ODAD3: variants seen among roughly 807,000 people sequenced by gnomAD.
The protein encoded by ODAD3 is outer dynein arm-docking complex subunit 3.
Under a neutral mutation model 70.9 loss-of-function variants are expected in ODAD3, and 57 were observed. The observed-to-expected ratio is 0.80, with a 90% CI of 0.65 to 1.00. The LOEUF is 1.00. ODAD3 is among the 50% of genes least tolerant of loss of function. ODAD3 has a pLI of 0.00. For synonymous variants in ODAD3, 327 were observed against 315.9 expected (o/e 1.04, Z -0.37); for missense variants, 797 against 763.9 (o/e 1.04, Z -0.51).
intron 7 of ODAD3, 124 bp downstream of exon 7, chr19:11,426,020 A>C: frequency 7.8e-7 from 1 of 1,276,876 alleles, no homozygotes; most frequent in Non-Finnish European, 1.0e-6. Flanking sequence ...GTGGAGTCAG[A>C]GAGGGGGCGG....
In ODAD3 at chr19:11,426,725, C is replaced by G. The variant is rs771503882; in HGVS notation, c.672G>C (p.Glu224Asp). The G allele has an allele frequency of 5.0e-6, 8 of 1,613,910 alleles. No homozygotes were observed. Among genetic ancestry groups the G allele is most frequent in the Non-Finnish European group, 6.8e-6 (8 of 1,179,884 alleles). ...GCTGCAGGTACACGCTGGTAATGTG[C>G]TCGGCCTCCTGCGCCTTCATCTGGG... is the stretch of plus-strand genomic sequence containing the variant. ...EKAQMKAQEA[E>D]HITSVYLQLK... is the part of the protein sequence containing the mutation. Residue 224 changes from glutamate to aspartate, a missense_variant, in exon 5 of 13, where the codon GAG (glutamate) becomes GAC (aspartate). Coordinates refer to ENST00000356392, the MANE Select transcript of ODAD3 (RefSeq NM_145045.5).
At position 11,421,803 on chromosome 19, in the gene ODAD3, C is replaced by T. The variant is rs1969141508; in HGVS notation, c.1464G>A (p.Leu488=). 2.5e-6 allele frequency: 4 copies of T among 1,613,156 alleles called. No individual in the cohort carries two copies. The highest frequency in any genetic ancestry group is 3.4e-6 in the Non-Finnish European group (4 of 1,179,894). ...VEDGRFAGKE[L]DPQADNYVPN... ...GCACATAGTTATCTGCCTGGGGATCCAGCTCCTTTCCCGCGAAGCGGCCGT... is the reference window on the plus strand; with the variant it reads ...GCACATAGTTATCTGCCTGGGGATCTAGCTCCTTTCCCGCGAAGCGGCCGT... Residue 488 remains leucine (L), a synonymous_variant, in exon 11 of 13, where the codon CTG becomes CTA. Transcript: ENST00000356392.
chr19:11,426,232 C>T lies in ODAD3; in HGVS notation c.875G>A (p.Arg292Gln), dbSNP rs780995024. The T allele has an allele frequency of 1.9e-6, 3 of 1,613,932 alleles. No homozygotes were observed. Among genetic ancestry groups the T allele is most frequent in the Non-Finnish European group, 2.5e-6 (3 of 1,179,958 alleles). The change falls in exon 7 of 13, where the codon CGA (arginine) becomes CAA (glutamine). Residue 292 changes from arginine (R) to glutamine (Q), a missense_variant. Physicochemically the swap from Arg to Gln is conservative, Grantham distance 43. Transcript: ENST00000356392. Reference sequence around the variant, plus strand: ...GTAGCGTTCCCGCTTCTTGCGCTCTCGAACCAAGGTCTCCTCTAGGTACTG... The same window carrying T: ...GTAGCGTTCCCGCTTCTTGCGCTCTTGAACCAAGGTCTCCTCTAGGTACTG... ...QLQYLEETLV[R>Q]ERKKRERYIS... is the part of the protein sequence containing the mutation.
At chr19:11,424,612 T>C (rs891557451) in intron 7 of ODAD3, among the ~76,000 whole-genome samples, 17 of 132,420 alleles carry the variant, frequency 1.3e-4, no homozygotes, top group Admixed American at 3.7e-4. Context: ...TATGTGTATA[T>C]ATACCTATGT....
intron 7 of ODAD3, among the ~76,000 whole-genome samples, chr19:11,424,685 CTA>C (rs1386888578): frequency 2.7e-4 from 10 of 36,582 alleles, no homozygotes; most frequent in Admixed American, 9.9e-4. Flanking sequence ...GTATATATAC[CTA>C]TGTGTATATA....
chr19:11,421,054 A>T, intron 12 of ODAD3, 74 bp downstream of exon 12: 1 of 1,577,034 alleles, frequency 6.3e-7, no homozygotes, highest in Non-Finnish European at 8.7e-7. Context: ...GGCCCTGAAC[A>T]GGGTATCTGA....
rs2144771861 is a variant in ODAD3, at chr19:11,426,551, C to A, written c.735G>T (p.Glu245Asp). The stretch of plus-strand genomic sequence containing the variant: ...CAGCCTCCATGGAGTCCAGCCGGTT[C>A]TCCAAGTTGAGGCTCTCGTCCTGGG... The part of the protein sequence containing the change: ...AYLMDESLNL[E>D]NRLDSMEAEV... Residue 245 changes from glutamate (E) to aspartate (D), a missense_variant, in exon 6 of 13, where the codon GAG becomes GAT. Physicochemically the swap from Glu to Asp is conservative, Grantham distance 45. Coordinates refer to ENST00000356392, the MANE Select transcript of ODAD3 (RefSeq NM_145045.5). The A allele has an allele frequency of 6.2e-7, 1 of 1,614,074 alleles. No homozygotes were observed. Among genetic ancestry groups the A allele is most frequent in the African/African-American group, 1.3e-5 (1 of 75,010 alleles).
chr19:11,426,564 CTCTCG>C lies in ODAD3; in HGVS notation c.717_721del (p.Asp239GlufsTer14). 6.2e-7 allele frequency: 1 copy of C among 1,614,058 alleles called. No individual in the cohort carries two copies. Among genetic ancestry groups the C allele is most frequent in the Non-Finnish European group, 8.5e-7 (1 of 1,179,980 alleles). On this transcript the variant is annotated frameshift_variant and splice_region_variant, in exon 6 of 13. Transcript: ENST00000356392. LOFTEE classifies it high-confidence loss of function. ...GTCCAGCCGGTTCTCCAAGTTGAGGCTCTCGTCCTGGGGCGTGGTGGGGAGGGGTA... is the reference window on the plus strand; with the variant it reads ...GTCCAGCCGGTTCTCCAAGTTGAGGCTCCTGGGGCGTGGTGGGGAGGGGTA...
At chr19:11,430,603 G>T (rs1969481403) in intron 3 of ODAD3, 96 bp downstream of exon 3, 2 of 1,090,734 alleles carry the variant, frequency 1.8e-6, no homozygotes, top group Non-Finnish European at 2.8e-6. Flanking sequence ...ATGGCAGCTA[G>T]TGTGCAGGAA....
chr19:11,435,007 G>A lies in ODAD3; in HGVS notation c.10C>T (p.Pro4Ser), dbSNP rs546113125. 59 of 1,610,964 alleles carry A rather than the reference G, an allele frequency of 3.7e-5. No individual in the cohort carries two copies. The South Asian group carries it at 4.1e-4, about 11-fold the overall frequency. Residue 4 changes from proline to serine, a missense_variant, in exon 1 of 13, where the codon CCT (proline) becomes TCT (serine). Transcript: ENST00000356392. MTS[P>S]LCRAASANAL... The stretch of plus-strand genomic sequence containing the variant: ...TTGGCGGAGGCCGCCCTGCACAGAG[G>A]AGATGTCATGATGGGGTTGGGGCTG...
intron 7 of ODAD3, among the ~76,000 whole-genome samples, chr19:11,425,452 T>TATATGTATATATACAC (rs1969325419): frequency 8.6e-6 from 1 of 116,410 alleles, no homozygotes; most frequent in Non-Finnish European, 1.6e-5. Context: ...TATATATACA[T>TATATGTATATATACAC]ATATGTGTGT....
At position 11,421,825 on chromosome 19, in the gene ODAD3, C is replaced by G. The variant is rs2144753899; in HGVS notation, c.1442G>C (p.Gly481Ala). The G allele has an allele frequency of 6.2e-7, 1 of 1,612,384 alleles. No individual in the cohort carries two copies. Among genetic ancestry groups the G allele is most frequent in the Middle Eastern group, 1.7e-4 (1 of 6,036 alleles). The change falls in exon 11 of 13, where the codon GGC becomes GCC. Residue 481 changes from glycine (G) to alanine (A), a missense_variant. Transcript: ENST00000356392. ...ATCCAGCTCCTTTCCCGCGAAGCGGCCGTCCTCCTGCGGCCAGGGTAGAGC... is the reference window on the plus strand; with the variant it reads ...ATCCAGCTCCTTTCCCGCGAAGCGGGCGTCCTCCTGCGGCCAGGGTAGAGC... ...SKLIHITVED[G>A]RFAGKELDPQ...
In ODAD3 at chr19:11,422,142, C is replaced by T. The variant is rs1232781478; in HGVS notation, c.1435-310G>A. Reference sequence around the variant, plus strand: ...GCTGCGGGCAGGATAGGTCTTCTGTCTCGGGCTGCTCCAGAACTGCAGATA... The same window carrying T: ...GCTGCGGGCAGGATAGGTCTTCTGTTTCGGGCTGCTCCAGAACTGCAGATA... On this transcript the variant is annotated intron_variant, in intron 10 of 12. Coordinates refer to ENST00000356392, the MANE Select transcript of ODAD3 (RefSeq NM_145045.5). This position sits in a 1 kb window ranked among gnomAD's most constrained non-coding sequence, Gnocchi z 4.6. Among the ~76,000 whole-genome samples, 1 of 152,244 alleles carries T rather than the reference C, an allele frequency of 6.6e-6. No homozygotes were observed. The highest frequency in any genetic ancestry group is 1.5e-5 in the Non-Finnish European group (1 of 68,040).
chr19:11,431,042 C>A, intron 1 of ODAD3, 22 bp from the exon 2 acceptor site: 1 of 1,613,820 alleles, frequency 6.2e-7, no homozygotes, highest in Non-Finnish European at 8.5e-7. Flanking sequence ...GTGAGGTGGA[C>A]AGACACACAG....
chr19:11,431,172 T>A, intron 1 of ODAD3, 152 bp from the exon 2 acceptor site: 1 of 974,720 alleles, frequency 1.0e-6, no homozygotes, highest in Non-Finnish European at 1.5e-6. Context: ...AGTGCAATGG[T>A]GCAATCTCGG....
intron 3 of ODAD3, chr19:11,430,464 T>C: frequency 3.7e-6 from 2 of 533,440 alleles, no homozygotes; most frequent in East Asian, 6.1e-5. Flanking sequence ...TAACTTGTTT[T>C]CCCTATTAGG....
chr19:11,434,749 C>A lies in ODAD3; in HGVS notation c.244+24G>T, dbSNP rs375490056. 11 of 1,595,654 alleles carry A rather than the reference C, an allele frequency of 6.9e-6. No individual in the cohort carries two copies. In the Admixed American group the frequency reaches 1.2e-4, roughly 17 times the overall value. ...ATGGGCACTGTTGACCCCTGACCCT[C>A]TGTACCCTCTGGAGCCATCTTACCT... is the stretch of plus-strand genomic sequence containing the variant. On this transcript the variant is annotated intron_variant, in intron 1 of 12. Transcript: ENST00000356392.
In ODAD3 at chr19:11,422,665, C is replaced by T; in HGVS notation, c.1277+36G>A. The T allele has an allele frequency of 6.2e-7, 1 of 1,606,384 alleles. No homozygotes were observed. ...GGGAGGTCACCCCGGGGGCTCAGCC[C>T]GCCCCGCCGCCCTCCCCAGAGCCCC... On this transcript the variant is annotated intron_variant, in intron 9 of 12. Coordinates refer to ENST00000356392, the MANE Select transcript of ODAD3 (RefSeq NM_145045.5). The surrounding 1 kb of genome is among the most constrained non-coding windows in gnomAD (Gnocchi z 4.6).
At chr19:11,425,681 C>T (rs1233591848) in intron 7 of ODAD3, among the ~76,000 whole-genome samples, 1 of 126,162 alleles carries the variant, frequency 7.9e-6, no homozygotes, top group African/African-American at 4.3e-5. Context: ...GCAAAAAAAA[C>T]CTATCAAACA....
Sources: allele counts gnomAD v4.1 joint callset (sites outside exome capture counted in the v4.1 genomes callset), GRCh38; gene constraint gnomAD v4.1.1; non-coding constraint Gnocchi (gnomAD v3.1); transcripts MANE v1.5; gene names NCBI Gene and HGNC (gene_info 2026-07-23, HGNC 2026-07-21).